Variants in ARHGEF10 observed in about 807,000 individuals in gnomAD.
ARHGEF10 encodes the protein Rho guanine nucleotide exchange factor (GEF) 10.
ARHGEF10 carries 140 observed loss-of-function variants against 147.4 expected under a neutral mutation model. The observed-to-expected ratio is 0.95, with a 90% CI of 0.83 to 1.09. The LOEUF (loss-of-function observed/expected upper bound fraction) is 1.09. Among genes scored for constraint, ARHGEF10 ranks in the 50% least tolerant of loss-of-function variants. ARHGEF10 has a pLI of 0.00. For missense variants in ARHGEF10, 2,222 were observed against 1,752.7 expected, an observed-to-expected ratio of 1.27 and a Z score of -4.78; for synonymous variants, 902 against 695.8, an observed-to-expected ratio of 1.30 and a Z score of -4.67.
At chr8:1,860,944 G>T (rs569026855) in intron 4 of ARHGEF10, among the ~76,000 whole-genome samples, 3 of 152,140 alleles carry the variant, frequency 2.0e-5, no homozygotes, top group Non-Finnish European at 4.4e-5. Context: ...GCTTTTCCTC[G>T]CCGGGAAGAT....
chr8:1,896,655 G>A (rs1027721824), intron 14 of ARHGEF10, among the ~76,000 whole-genome samples: 2 of 152,308 alleles, frequency 1.3e-5, no homozygotes, highest in Non-Finnish European at 1.5e-5. Flanking sequence ...TCTTAAAAGT[G>A]TATCAGCAGA....
chr8:1,942,852 G>A (rs928562121), intron 26 of ARHGEF10, among the ~76,000 whole-genome samples: 1 of 147,220 alleles, frequency 6.8e-6, no homozygotes, highest in African/African-American at 2.5e-5. Flanking sequence ...AACATTGTAG[G>A]ATTTTGTTTA....
rs79992081 is a variant in ARHGEF10, at chr8:1,843,979, C to G, written c.37+543C>G. The stretch of plus-strand genomic sequence containing the variant: ...TTAAATTGTTGCCAAAAAGACTATG[C>G]CAGGGTTGCCAGCTCGCGCTCCGGC... On this transcript the variant is annotated intron_variant, in intron 2 of 28. Coordinates refer to ENST00000349830, the MANE Select transcript of ARHGEF10 (RefSeq NM_014629.4). 3.2e-3 allele frequency among the ~76,000 whole-genome samples: 483 copies of G among 152,268 alleles called. 1 individual carries two copies. Among genetic ancestry groups the G allele is most frequent in the African/African-American group, 0.011 (467 of 41,566 alleles).
intron 10 of ARHGEF10, among the ~76,000 whole-genome samples, chr8:1,884,300 G>A: frequency 6.6e-6 from 1 of 151,976 alleles, no homozygotes. Context: ...GGAGGCTGAG[G>A]CAGGAGAATG....
At position 1,957,099 on chromosome 8, in the gene ARHGEF10, C is replaced by A. The variant is rs1815640009; in HGVS notation, c.3871C>A (p.Leu1291Met). Residue 1291 changes from leucine to methionine, a missense_variant, in exon 29 of 29, where the codon CTG becomes ATG. Transcript: ENST00000349830. ...IYDLLKDPVS[L>M]RSKARRAKKA... ...TGATCTCCTGAAGGATCCTGTCTCG[C>A]TGAGAAGCAAAGCACGCCGGGCCAA... 41 of 1,613,352 alleles carry A rather than the reference C, an allele frequency of 2.5e-5. No individual in the cohort carries two copies. Among genetic ancestry groups the A allele is most frequent in the Non-Finnish European group, 3.5e-5 (41 of 1,180,030 alleles).
intron 1 of ARHGEF10, among the ~76,000 whole-genome samples, chr8:1,834,602 C>T (rs1396047906): frequency 1.3e-5 from 2 of 152,202 alleles, no homozygotes; most frequent in African/African-American, 4.8e-5. Context: ...TCCGTCCATC[C>T]ATCCCCTTTC....
At chr8:1,869,826 G>A (rs1308298003) in intron 7 of ARHGEF10, 4 of 170,948 alleles carry the variant, frequency 2.3e-5, no homozygotes, top group Non-Finnish European at 5.1e-5. Flanking sequence ...CCCACAGGCT[G>A]GGGGCGGGTT....
intron 4 of ARHGEF10, among the ~76,000 whole-genome samples, chr8:1,863,177 G>C (rs1806292138): frequency 6.6e-6 from 1 of 152,182 alleles, no homozygotes; most frequent in Non-Finnish European, 1.5e-5. Flanking sequence ...CCCTGTGTCT[G>C]CCCTGACACC....
In ARHGEF10 at chr8:1,898,483, G is replaced by T. The variant is rs150004545; in HGVS notation, c.1608G>T (p.Met536Ile). 5.5e-5 allele frequency: 89 copies of T among 1,614,074 alleles called. No individual in the cohort carries two copies. Among genetic ancestry groups the T allele is most frequent in the Non-Finnish European group, 1.4e-5 (17 of 1,180,038 alleles). ...GAACCACGCTCTACAGCCTGATGAT[G>T]AAGCCCATCCAGAGGTTCCCACAGT... ...PDRTTLYSLM[M>I]KPIQRFPQFI... The change falls in exon 15 of 29, where the codon ATG becomes ATT. Residue 536 changes from methionine (M) to isoleucine (I), a missense_variant. By Grantham distance (10) the Met-to-Ile change is conservative. Coordinates refer to ENST00000349830, the MANE Select transcript of ARHGEF10 (RefSeq NM_014629.4).
At chr8:1,851,581 G>A (rs193132471) in intron 2 of ARHGEF10, among the ~76,000 whole-genome samples, 31 of 152,282 alleles carry the variant, frequency 2.0e-4, no homozygotes, top group African/African-American at 7.0e-4. Flanking sequence ...ATTTTCCTGT[G>A]AACCTAAAAC....
intron 1 of ARHGEF10, among the ~76,000 whole-genome samples, chr8:1,842,181 A>C (rs1019957455): frequency 1.3e-4 from 20 of 151,384 alleles, no homozygotes; most frequent in African/African-American, 4.6e-4. Flanking sequence ...GAGGGAGAGC[A>C]GGTTCAGGGC....
chr8:1,932,317 G>A (rs888351961), intron 25 of ARHGEF10, among the ~76,000 whole-genome samples: 1 of 152,240 alleles, frequency 6.6e-6, no homozygotes, highest in Non-Finnish European at 1.5e-5. Flanking sequence ...GCACATGTGT[G>A]TATGCACACG....
intron 2 of ARHGEF10, among the ~76,000 whole-genome samples, chr8:1,845,623 C>T (rs1233973910): frequency 6.6e-6 from 1 of 152,186 alleles, no homozygotes. Flanking sequence ...TCAAAGAAGG[C>T]GGAAACACCG....
At chr8:1,846,162 G>T (rs535057781) in intron 2 of ARHGEF10, among the ~76,000 whole-genome samples, 2 of 152,210 alleles carry the variant, frequency 1.3e-5, no homozygotes, top group Non-Finnish European at 1.5e-5. Context: ...CGGGAGCCGC[G>T]GAGGGGCTGA....
chr8:1,934,156 G>A (rs905243906), intron 26 of ARHGEF10, among the ~76,000 whole-genome samples: 1 of 152,118 alleles, frequency 6.6e-6, no homozygotes, highest in Non-Finnish European at 1.5e-5. Context: ...GCAACAAAGT[G>A]AGATCCTGTC....
At chr8:1,845,132 C>T (rs1369572376) in intron 2 of ARHGEF10, among the ~76,000 whole-genome samples, 1 of 152,046 alleles carries the variant, frequency 6.6e-6, no homozygotes, top group African/African-American at 2.4e-5. Context: ...GGACTGAGAC[C>T]CTGTCTAAAA....
At chr8:1,834,309 G>GT (rs938786536) in intron 1 of ARHGEF10, among the ~76,000 whole-genome samples, 3 of 152,216 alleles carry the variant, frequency 2.0e-5, no homozygotes, top group Admixed American at 6.5e-5. Flanking sequence ...TCTTTTCACT[G>GT]TTTTTTCTTT....
chr8:1,924,893 T>C (rs566138621), intron 21 of ARHGEF10, among the ~76,000 whole-genome samples: 19 of 152,384 alleles, frequency 1.2e-4, no homozygotes, highest in African/African-American at 4.3e-4. Flanking sequence ...CATTATACCA[T>C]GTTTTAAAGT....
rs200317362 is a variant in ARHGEF10, at chr8:1,832,745, GGC to G, written c.-48+8633_-48+8634del. 8.0e-3 allele frequency among the ~76,000 whole-genome samples: 334 copies of G among 41,798 alleles called. 43 individuals are homozygous for G. The highest frequency in any genetic ancestry group is 0.041 in the South Asian group (45 of 1,104). 27.4% of individuals were successfully genotyped at this position (41,798 alleles called of 152,430 possible). ...AGAGAGAGACAGAGGCAGAGGCAGA[GGC>G]AGAGACAGAGACAGAGGCAGAGACA... On this transcript the variant is annotated intron_variant, in intron 1 of 28. Coordinates refer to ENST00000349830, the MANE Select transcript of ARHGEF10 (RefSeq NM_014629.4).
Sources: allele counts gnomAD v4.1 joint callset (sites outside exome capture counted in the v4.1 genomes callset), GRCh38; gene constraint gnomAD v4.1.1; transcripts MANE v1.5; gene names NCBI Gene and HGNC (gene_info 2026-07-23, HGNC 2026-07-21).